The following CORIN variants were observed in gnomAD, a reference collection of about 807,000 sequenced individuals.
CORIN encodes the protein atrial natriuretic peptide-converting enzyme.
In CORIN, 117 loss-of-function variants were observed where a neutral mutation model predicts 125.3. That is an observed-to-expected ratio of 0.93 (90% CI 0.80 to 1.09). The LOEUF (loss-of-function observed/expected upper bound fraction) is 1.09. Among genes scored for constraint, CORIN ranks in the 50% least tolerant of loss-of-function variants. The pLI is 0.00. For synonymous variants in CORIN, 450 were observed against 466.4 expected (o/e 0.96, Z 0.45); for missense variants, 1,253 against 1,306.7 (o/e 0.96, Z 0.63).
chr4:47,738,260 G>A (rs1728222210), intron 5 of CORIN, among the ~76,000 whole-genome samples: 1 of 152,064 alleles, frequency 6.6e-6, no homozygotes, highest in Non-Finnish European at 1.5e-5. Flanking sequence ...AGAAATTTAA[G>A]GATAAGGCAG....
chr4:47,659,324 T>C (rs561878990), intron 12 of CORIN, among the ~76,000 whole-genome samples: 4 of 152,232 alleles, frequency 2.6e-5, no homozygotes, highest in Non-Finnish European at 5.9e-5. Context: ...GGTATCTTTA[T>C]AGCAATGCTG....
chr4:47,602,585 G>A (rs926324271), intron 20 of CORIN, among the ~76,000 whole-genome samples: 1 of 152,088 alleles, frequency 6.6e-6, no homozygotes, highest in Non-Finnish European at 1.5e-5. Flanking sequence ...CTATCATTGG[G>A]CTATCTGCAG....
At chr4:47,802,866 T>C (rs1731605230) in intron 2 of CORIN, among the ~76,000 whole-genome samples, 1 of 152,124 alleles carries the variant, frequency 6.6e-6, no homozygotes. Context: ...GTAGTGGCCA[T>C]GGGGATGTTG....
intron 10 of CORIN, among the ~76,000 whole-genome samples, chr4:47,672,939 G>A (rs866134147): frequency 1.6e-4 from 24 of 152,104 alleles, no homozygotes; most frequent in Middle Eastern, 3.4e-3. Context: ...AACAGTTATA[G>A]AGGTACTCAC....
chr4:47,689,771 T>A (rs1386141246), intron 6 of CORIN, among the ~76,000 whole-genome samples: 5 of 152,192 alleles, frequency 3.3e-5, no homozygotes, highest in Non-Finnish European at 7.3e-5. Context: ...CTTCCAAGTC[T>A]GGCCGTCCAT....
At chr4:47,701,571 G>T (rs1434132519) in intron 5 of CORIN, among the ~76,000 whole-genome samples, 1 of 152,118 alleles carries the variant, frequency 6.6e-6, no homozygotes, top group Middle Eastern at 3.2e-3. Context: ...ACTTTGATAG[G>T]AGAGAGAATG....
At chr4:47,626,066 C>T (rs918460808) in intron 17 of CORIN, among the ~76,000 whole-genome samples, 1 of 152,104 alleles carries the variant, frequency 6.6e-6, no homozygotes, top group African/African-American at 2.4e-5. Context: ...CTTCAGTTCC[C>T]TCTGTTTACT....
At chr4:47,640,027 T>C (rs1723175660) in intron 16 of CORIN, among the ~76,000 whole-genome samples, 1 of 152,180 alleles carries the variant, frequency 6.6e-6, no homozygotes, top group Non-Finnish European at 1.5e-5. Context: ...AAATAATGGA[T>C]ATGGGTTTCC....
intron 13 of CORIN, among the ~76,000 whole-genome samples, chr4:47,648,142 G>T (rs372330027): frequency 1.8e-4 from 28 of 152,210 alleles, no homozygotes; most frequent in African/African-American, 6.7e-4. Context: ...GTGACATTTT[G>T]GTGCAATTAT....
intron 1 of CORIN, among the ~76,000 whole-genome samples, chr4:47,819,380 T>G (rs16860658): frequency 0.11 from 16,223 of 151,974 alleles, 1,100 homozygotes; most frequent in East Asian, 0.27. Flanking sequence ...TGAGCAAAAA[T>G]TACTGAACCT....
intron 5 of CORIN, among the ~76,000 whole-genome samples, chr4:47,736,005 T>C (rs574887214): frequency 6.1e-4 from 91 of 149,472 alleles, no homozygotes; most frequent in Admixed American, 7.3e-4. Context: ...CAAGAACTGA[T>C]ATGTTTTGAG....
intron 4 of CORIN, among the ~76,000 whole-genome samples, chr4:47,760,701 C>T (rs1013916004): frequency 3.9e-5 from 6 of 152,310 alleles, no homozygotes; most frequent in Admixed American, 1.3e-4. Flanking sequence ...AGTTTTAAAG[C>T]CAGGCACTGA....
chr4:47,752,948 T>C (rs1487690357), intron 4 of CORIN, among the ~76,000 whole-genome samples: 1 of 151,800 alleles, frequency 6.6e-6, no homozygotes, highest in Non-Finnish European at 1.5e-5. Flanking sequence ...ATACGGATAT[T>C]CAAATGAATT....
At chr4:47,744,698 C>G in intron 4 of CORIN, 115 bp from the exon 5 acceptor site, 2 of 961,978 alleles carry the variant, frequency 2.1e-6, no homozygotes, top group Non-Finnish European at 2.9e-6. Flanking sequence ...TTTATACTTA[C>G]TATAGTCAGC....
intron 8 of CORIN, among the ~76,000 whole-genome samples, chr4:47,678,489 G>C (rs2109707277): frequency 6.6e-6 from 1 of 152,280 alleles, no homozygotes; most frequent in East Asian, 1.9e-4. Flanking sequence ...AAGAGCTACA[G>C]CCAGAATGTG....
At position 47,683,759 on chromosome 4, in the gene CORIN, A is replaced by G. The variant is rs749962855; in HGVS notation, c.993T>C (p.Cys331=). The G allele has an allele frequency of 9.9e-6, 16 of 1,613,566 alleles. No homozygotes were observed. The highest frequency in any genetic ancestry group is 1.4e-5 in the Non-Finnish European group (16 of 1,179,712). ...YSLVCDGYDD[C]GDLSDEQNCD... ...AGTTTTGCTCATCACTCAAATCCCCACAGTCATCATATCCATCACACACAA... is the reference window on the plus strand; with the variant it reads ...AGTTTTGCTCATCACTCAAATCCCCGCAGTCATCATATCCATCACACACAA... Residue 331 remains cysteine, a synonymous_variant, in exon 7 of 22, where the codon TGT becomes TGC. Transcript: ENST00000273857.
At chr4:47,757,818 T>C (rs1322685713) in intron 4 of CORIN, among the ~76,000 whole-genome samples, 1 of 146,854 alleles carries the variant, frequency 6.8e-6, no homozygotes, top group Non-Finnish European at 1.5e-5. Context: ...CAAGTAGAGA[T>C]TGAATTATAA....
chr4:47,632,777 T>TAGATGATAGATAGAGATAGA (rs1560481561), intron 16 of CORIN, among the ~76,000 whole-genome samples: 1 of 118,506 alleles, frequency 8.4e-6, no homozygotes, highest in East Asian at 4.2e-4. Context: ...AGATAGATAG[T>TAGATGATAGATAGAGATAGA]TAGATAGATT....
At position 47,603,518 on chromosome 4, in the gene CORIN, C is replaced by T; in HGVS notation, c.2691G>A (p.Glu897=). The change falls in exon 20 of 22, where the codon GAG becomes GAA. Residue 897 remains glutamate, a synonymous_variant. Transcript: ENST00000273857. ...AVVDYDISIV[E]LSEDISETGY... is the part of the protein sequence containing the mutation. ...CAGTCTCACTGATGTCTTCACTCAGCTCAACGATGCTGATGTCATAGTCCA... is the reference window on the plus strand; with the variant it reads ...CAGTCTCACTGATGTCTTCACTCAGTTCAACGATGCTGATGTCATAGTCCA... 1.2e-6 allele frequency: 2 copies of T among 1,614,172 alleles called. No homozygotes were observed. Among genetic ancestry groups the T allele is most frequent in the Non-Finnish European group, 1.7e-6 (2 of 1,180,034 alleles).
Sources: allele counts gnomAD v4.1 joint callset (sites outside exome capture counted in the v4.1 genomes callset), GRCh38; gene constraint gnomAD v4.1.1; transcripts MANE v1.5; gene names NCBI Gene and HGNC (gene_info 2026-07-23, HGNC 2026-07-21).